Variants in TTC39B observed in about 807,000 individuals in gnomAD.
The protein encoded by TTC39B is tetratricopeptide repeat domain 39B.
A neutral mutation model predicts 96.6 loss-of-function variants in TTC39B; 92 were observed. The ratio of observed to expected loss-of-function variants is 0.95; its 90% CI spans 0.80 to 1.13. The LOEUF is 1.13. TTC39B is among the 50% of genes most tolerant of loss of function. The pLI is 0.00. For synonymous variants in TTC39B, 367 were observed against 299.4 expected, an observed-to-expected ratio of 1.23 and a Z score of -2.33; for missense variants, 955 against 809.3, an observed-to-expected ratio of 1.18 and a Z score of -2.18.
chr9:15,202,504 G>T (rs1439837252), intron 7 of TTC39B, among the ~76,000 whole-genome samples: 1 of 152,142 alleles, frequency 6.6e-6, no homozygotes, highest in African/African-American at 2.4e-5. Context: ...CTGAGGTCAG[G>T]AGTTCGAGAC....
intron 3 of TTC39B, among the ~76,000 whole-genome samples, chr9:15,220,514 C>T (rs1820785013): frequency 6.6e-6 from 1 of 152,166 alleles, no homozygotes; most frequent in Non-Finnish European, 1.5e-5. Context: ...GTATTATTAA[C>T]ATTGCCGTTA....
At position 15,245,162 on chromosome 9, in the gene TTC39B, C is replaced by G. The variant is rs551948939; in HGVS notation, c.276-19150G>C. 2.6e-5 allele frequency among the ~76,000 whole-genome samples: 4 copies of G among 152,318 alleles called. No homozygotes were observed. The South Asian group carries it at 8.3e-4, about 32-fold the overall frequency. On this transcript the variant is annotated intron_variant, in intron 2 of 19. Transcript: ENST00000512701. ...TGAATGAATGACATTCTTCCTGATGCAATTAGCCCCTTGCATCAAATTCAG... is the reference window on the plus strand; with the variant it reads ...TGAATGAATGACATTCTTCCTGATGGAATTAGCCCCTTGCATCAAATTCAG...
intron 2 of TTC39B, among the ~76,000 whole-genome samples, chr9:15,252,425 G>A (rs2131510804): frequency 6.6e-6 from 1 of 152,266 alleles, no homozygotes; most frequent in Middle Eastern, 3.4e-3. Flanking sequence ...GAGACGGGCG[G>A]ATCATGAGGT....
chr9:15,174,070 A>G (rs1817800150), intron 19 of TTC39B, among the ~76,000 whole-genome samples: 1 of 152,134 alleles, frequency 6.6e-6, no homozygotes, highest in Non-Finnish European at 1.5e-5. Flanking sequence ...CTCAGCTACA[A>G]TATCATTTCC....
At chr9:15,192,676 G>A in exon 9 of TTC39B, 2 of 1,613,818 alleles carry the variant, frequency 1.2e-6, no homozygotes, top group Non-Finnish European at 1.7e-6. Context: ...TGAATTTCAT[G>A]CAGGATAGAA....
chr9:15,183,408 G>A, intron 16 of TTC39B: 1 of 412,374 alleles, frequency 2.4e-6, no homozygotes, highest in Non-Finnish European at 4.8e-6. Context: ...TCAGAAGAGG[G>A]CAAGCTCATA....
intron 1 of TTC39B, among the ~76,000 whole-genome samples, chr9:15,290,775 C>T (rs767804617): frequency 8.6e-5 from 13 of 151,934 alleles, no homozygotes; most frequent in Non-Finnish European, 8.8e-5. Context: ...TTTTTTCTTT[C>T]CTGCTTTCCC....
exon 20 of TTC39B, chr9:15,170,010 G>C (rs542473687): frequency 6.6e-6 from 1 of 151,900 alleles, no homozygotes; most frequent in Non-Finnish European, 1.5e-5. Flanking sequence ...TGTTACCAAA[G>C]CTCTTCTAAG....
chr9:15,230,777 G>A (rs1365263952), intron 2 of TTC39B, among the ~76,000 whole-genome samples: 3 of 152,146 alleles, frequency 2.0e-5, no homozygotes, highest in Non-Finnish European at 2.9e-5. Context: ...TTGAGGTCAG[G>A]AGTTCAAGAC....
chr9:15,299,543 G>C (rs898619911), intron 1 of TTC39B, among the ~76,000 whole-genome samples: 1 of 152,116 alleles, frequency 6.6e-6, no homozygotes, highest in African/African-American at 2.4e-5. Context: ...GAGAAAAGGA[G>C]AGTGCTGACT....
At chr9:15,301,614 G>C (rs1437459855) in intron 1 of TTC39B, among the ~76,000 whole-genome samples, 1 of 152,012 alleles carries the variant, frequency 6.6e-6, no homozygotes, top group Non-Finnish European at 1.5e-5. Context: ...AAATTGGATG[G>C]TCGTGGTGGT....
chr9:15,285,138 G>T (rs954828427), intron 1 of TTC39B, among the ~76,000 whole-genome samples: 1 of 151,998 alleles, frequency 6.6e-6, no homozygotes, highest in Non-Finnish European at 1.5e-5. Flanking sequence ...GGTGGCGGGC[G>T]CCTGTAGTCC....
rs747143605 is a variant in TTC39B, at chr9:15,267,955, G to A, written c.241-7C>T. On this transcript the variant is annotated splice_polypyrimidine_tract_variant and splice_region_variant and intron_variant, in intron 1 of 19. Coordinates refer to ENST00000512701, the Ensembl canonical transcript of TTC39B. ...AGGCATCTTCGAAAACGTCCTGGGG[G>A]AAATAAAAAATACAATGAGTTTCTC... The A allele has an allele frequency of 6.2e-7, 1 of 1,608,336 alleles. No individual in the cohort carries two copies. Among genetic ancestry groups the A allele is most frequent in the Admixed American group, 1.7e-5 (1 of 59,292 alleles).
intron 3 of TTC39B, among the ~76,000 whole-genome samples, chr9:15,223,790 A>T (rs1207421231): frequency 1.3e-5 from 2 of 152,096 alleles, no homozygotes; most frequent in Non-Finnish European, 2.9e-5. Flanking sequence ...TGAAAATCCA[A>T]AATTGAAATG....
chr9:15,224,635 A>G (rs1821024964), intron 3 of TTC39B: 1 of 152,178 alleles, frequency 6.6e-6, no homozygotes, highest in Non-Finnish European at 1.5e-5. Context: ...AGTAATTTTT[A>G]TTTATTTTAT....
At chr9:15,258,718 T>C (rs555615671) in intron 2 of TTC39B, among the ~76,000 whole-genome samples, 1 of 152,264 alleles carries the variant, frequency 6.6e-6, no homozygotes, top group Admixed American at 6.5e-5. Context: ...ATCCTGCTCA[T>C]AGGGGTTCAC....
intron 1 of TTC39B, among the ~76,000 whole-genome samples, chr9:15,300,162 G>A (rs77950724): frequency 0.013 from 1,957 of 152,182 alleles, 16 homozygotes; most frequent in African/African-American, 0.021. Flanking sequence ...CCCATGCTCC[G>A]CAATCAGAAA....
rs542877403 is a variant in TTC39B, at chr9:15,275,105, G to A, written c.241-7157C>T. On this transcript the variant is annotated intron_variant, in intron 1 of 19. Transcript: ENST00000512701. ...TGTCCAGGCTGGAGTGCAATGGTGC[G>A]ATCTTGGCTCACTGCAACCTCCGCC... is the stretch of plus-strand genomic sequence containing the variant. Among the ~76,000 whole-genome samples, 8 of 151,670 alleles carry A rather than the reference G, an allele frequency of 5.3e-5. No homozygotes were observed. The South Asian group carries it at 1.5e-3, about 28-fold the overall frequency.
rs141390555 is a variant in TTC39B, at chr9:15,253,345, C to T, written c.275+14569G>A. ...ATGGAAGGAGAGTGATTTGAAGATG[C>T]TATGCTGCTGGCTTTGAAGATGCAG... On this transcript the variant is annotated intron_variant, in intron 2 of 19. Transcript: ENST00000512701. Among the ~76,000 whole-genome samples the T allele has an allele frequency of 5.3e-4, 80 of 152,280 alleles. 1 individual carries two copies. The East Asian group carries it at 0.014, about 27-fold the overall frequency.
Sources: allele counts gnomAD v4.1 joint callset (sites outside exome capture counted in the v4.1 genomes callset), GRCh38; gene constraint gnomAD v4.1.1; transcripts MANE v1.5; gene names NCBI Gene and HGNC (gene_info 2026-07-23, HGNC 2026-07-21).